Variants in IRAG2 observed in about 807,000 individuals in gnomAD.
IRAG2 encodes inositol 1,4,5-triphosphate receptor associated 2.
IRAG2 carries 45 observed loss-of-function variants against 69.9 expected under a neutral mutation model. That is an observed-to-expected ratio of 0.64 (90% CI 0.51 to 0.83). The LOEUF is 0.83. Among genes scored for constraint, IRAG2 ranks in the 40% least tolerant of loss-of-function variants. IRAG2 has a pLI of 0.00. For missense variants in IRAG2, 520 were observed against 587.0 expected, an observed-to-expected ratio of 0.89 and a Z score of 1.18; for synonymous variants, 193 against 202.4, an observed-to-expected ratio of 0.95 and a Z score of 0.40.
rs913605708 is a variant in IRAG2 at position 25,011,666 on chromosome 12, T to G, written c.896+115T>G. On this transcript the variant is annotated intron_variant, in intron 3 of 38. Coordinates refer to the IRAG2 transcript ENST00000636465. ...AATACTATTGTCCAGTGCTTTAGCA[T>G]GCATTAGAATCACCTGAATGATGTT... is the stretch of plus-strand genomic sequence containing the variant. The G allele has an allele frequency of 4.5e-6, 3 of 671,750 alleles. No individual in the cohort carries two copies. The African/African-American group carries it at 5.6e-5, about 13-fold the overall frequency. 41.6% of individuals were successfully genotyped at this position (671,750 alleles called of 1,614,324 possible). A position where few individuals can be genotyped will look rare whatever the true frequency, so the allele number is the denominator to read the frequency against.
At chr12:25,012,440 C>T (rs1944484351) in intron 3 of IRAG2, among the ~76,000 whole-genome samples, 1 of 151,068 alleles carries the variant, frequency 6.6e-6, no homozygotes, top group Non-Finnish European at 1.5e-5. Flanking sequence ...CAGGTGTGAG[C>T]CACCCACTGC....
intron 1 of IRAG2, among the ~76,000 whole-genome samples, chr12:25,058,548 GT>G (rs757765548): frequency 2.6e-5 from 4 of 152,222 alleles, no homozygotes; most frequent in African/African-American, 7.2e-5. Flanking sequence ...AGAACATGAG[GT>G]TTTTTCCAGT....
In IRAG2 at chr12:25,011,053, A is replaced by G. The variant is rs556492090; in HGVS notation, c.689-291A>G. ...CCATGAGAAATTATTGATTACATAT[A>G]TCATCAATATTTAAACCTCGCAACT... is the stretch of plus-strand genomic sequence containing the variant. On this transcript the variant is annotated intron_variant, in intron 2 of 38. Transcript: ENST00000636465. 1.6e-4 allele frequency among the ~76,000 whole-genome samples: 24 copies of G among 152,348 alleles called. No homozygotes were observed. In the South Asian group the frequency reaches 4.8e-3, roughly 30 times the overall value.
chr12:25,107,741 C>G (rs113123645), intron 21 of IRAG2, 76 bp from the exon 22 acceptor site: 81,047 of 1,402,080 alleles, frequency 0.058, 2,992 homozygotes, highest in South Asian at 0.12. Context: ...GATCACCTGA[C>G]TGGTGGTGTT....
At position 25,023,924 on chromosome 12, in the gene IRAG2, A is replaced by T. The variant is rs950901569; in HGVS notation, c.1383+3A>T. The T allele has an allele frequency of 5.7e-6, 7 of 1,225,306 alleles. No individual in the cohort carries two copies. The African/African-American group carries it at 1.1e-4, about 19-fold the overall frequency. 75.9% of individuals were successfully genotyped at this position (1,225,306 alleles called of 1,614,324 possible). ...AGATTCGGATTCTACAGGAAGAGGT[A>T]TGTCAGAATCGTTAAACACTGGCAT... On this transcript the variant is annotated splice_donor_region_variant and intron_variant, in intron 8 of 38. Transcript: ENST00000636465.
rs536449452 is a variant in IRAG2 at position 25,053,554 on chromosome 12, A to G, written c.-447+598A>G. 3.3e-5 allele frequency among the ~76,000 whole-genome samples: 5 copies of G among 152,248 alleles called. No homozygotes were observed. In the East Asian group the frequency reaches 9.6e-4, roughly 29 times the overall value. On this transcript the variant is annotated intron_variant, in intron 1 of 21. Transcript: ENST00000556887. ...CTGTATTACCCAAAAGTATATAAACAGTTACCAGAGATTTATGTGAGAAGA... is the reference window on the plus strand; with the variant it reads ...CTGTATTACCCAAAAGTATATAAACGGTTACCAGAGATTTATGTGAGAAGA...
intron 7 of IRAG2, among the ~76,000 whole-genome samples, chr12:25,022,807 G>A (rs1230333752): frequency 9.2e-5 from 14 of 152,180 alleles, no homozygotes; most frequent in Admixed American, 1.3e-4. Context: ...AGCACATGAT[G>A]TTATTTATCT....
chr12:25,007,982 A>G (rs190045362), intron 2 of IRAG2, among the ~76,000 whole-genome samples: 54 of 152,300 alleles, frequency 3.5e-4, no homozygotes, highest in Middle Eastern at 3.4e-3. Flanking sequence ...CAAGAATTCT[A>G]ATAGGTTGGT....
At chr12:25,048,607 G>T (rs1474223017), upstream of IRAG2, among the ~76,000 whole-genome samples, 1 of 151,950 alleles carries the variant, frequency 6.6e-6, no homozygotes, top group Non-Finnish European at 1.5e-5. Flanking sequence ...TGACCACTTT[G>T]TAATATTTTT....
intron 15 of IRAG2, among the ~76,000 whole-genome samples, chr12:25,100,319 T>C (rs927776943): frequency 1.3e-5 from 2 of 152,078 alleles, no homozygotes; most frequent in Non-Finnish European, 2.9e-5. Flanking sequence ...CCAGCCACCG[T>C]GGAAAACAGT....
At chr12:25,022,227 A>C (rs1438681144) in intron 7 of IRAG2, among the ~76,000 whole-genome samples, 7 of 152,186 alleles carry the variant, frequency 4.6e-5, no homozygotes, top group Non-Finnish European at 8.8e-5. Flanking sequence ...TATTGATTAA[A>C]GTGCAGAATT....
At chr12:25,098,448 C>A (rs150880508) in intron 15 of IRAG2, among the ~76,000 whole-genome samples, 3 of 152,178 alleles carry the variant, frequency 2.0e-5, no homozygotes, top group African/African-American at 7.2e-5. Flanking sequence ...AGCCTCCCAG[C>A]GTGTGAATCC....
intron 9 of IRAG2, among the ~76,000 whole-genome samples, chr12:25,027,641 A>G (rs558727781): frequency 3.3e-5 from 5 of 151,980 alleles, no homozygotes; most frequent in Non-Finnish European, 5.9e-5. Flanking sequence ...TGATCTGCCC[A>G]CCTCGGCCTC....
intron 6 of IRAG2, among the ~76,000 whole-genome samples, chr12:25,077,366 A>G: frequency 8.0e-6 from 1 of 125,710 alleles, no homozygotes; most frequent in Non-Finnish European, 1.6e-5. Flanking sequence ...TATATGATAT[A>G]TATGAAATAT....
rs573061918 is a variant in IRAG2, at chr12:25,070,264, C to T, written c.24+833C>T. 9.9e-5 allele frequency among the ~76,000 whole-genome samples: 15 copies of T among 152,248 alleles called. No individual in the cohort carries two copies. The South Asian group carries it at 1.0e-3, about 11-fold the overall frequency. ...ACTGCGTACCCATTGGTAGTCTCTC[C>T]CTATTTCCTCCTGTCCCCAACCCCC... On this transcript the variant is annotated intron_variant, in intron 6 of 21. Coordinates refer to ENST00000556887, the MANE Select transcript of IRAG2 (RefSeq NM_001366544.2).
intron 6 of IRAG2, among the ~76,000 whole-genome samples, chr12:25,074,030 A>G (rs1409387656): frequency 6.6e-6 from 1 of 152,246 alleles, no homozygotes; most frequent in Non-Finnish European, 1.5e-5. Context: ...TGTAGAATGA[A>G]GCACATCTAG....
intron 6 of IRAG2, among the ~76,000 whole-genome samples, chr12:25,072,553 G>C (rs1946406221): frequency 6.6e-6 from 1 of 152,182 alleles, no homozygotes; most frequent in Non-Finnish European, 1.5e-5. Context: ...GCTTTTCTAA[G>C]CATTGTCATT....
intron 14 of IRAG2, chr12:25,090,797 C>T (rs545248856): frequency 9.5e-5 from 43 of 451,298 alleles, no homozygotes; most frequent in African/African-American, 7.4e-4. Context: ...TGCCTTTTCT[C>T]TGGATTTTCA....
intron 3 of IRAG2, among the ~76,000 whole-genome samples, chr12:25,012,688 C>A (rs1965345): frequency 6.6e-6 from 1 of 151,848 alleles, no homozygotes; most frequent in Non-Finnish European, 1.5e-5. Flanking sequence ...ATTAGCTGGG[C>A]GTGGTGGTTC....
Sources: gnomAD v4.1 joint callset for allele counts (sites outside exome capture counted in the v4.1 genomes callset) on GRCh38, gnomAD v4.1.1 for gene constraint, MANE v1.5 for transcripts, NCBI Gene and HGNC (gene_info 2026-07-23, HGNC 2026-07-21) for gene names.